The following PPP2R5E variants were observed in gnomAD, a reference collection of about 807,000 sequenced individuals.
PPP2R5E encodes the protein serine/threonine-protein phosphatase 2A 56 kDa regulatory subunit epsilon isoform.
PPP2R5E carries 4 observed loss-of-function variants against 65.3 expected under a neutral mutation model. That is an observed-to-expected ratio of 0.06 (90% CI 0.03 to 0.14). The LOEUF (loss-of-function observed/expected upper bound fraction) is 0.14, where lower values mean the gene tolerates loss of function less well. PPP2R5E is among the 10% of genes least tolerant of loss of function. The probability of loss-of-function intolerance (pLI) is 1.00; values close to 1 mark genes in which losing one functional copy is unlikely to be tolerated. For synonymous variants in PPP2R5E, 183 were observed against 187.4 expected (o/e 0.98, Z 0.19); for missense variants, 274 against 556.1 (o/e 0.49, Z 5.10).
chr14:63,462,853 A>G (rs1889557090), intron 2 of PPP2R5E, among the ~76,000 whole-genome samples: 2 of 152,068 alleles, frequency 1.3e-5, no homozygotes, highest in Non-Finnish European at 2.9e-5. Context: ...CTGTAATCCC[A>G]GCACTTTGGG....
chr14:63,462,517 T>C lies in PPP2R5E; in HGVS notation c.158-8632A>G, dbSNP rs140584017. On this transcript the variant is annotated intron_variant, in intron 2 of 13. Coordinates refer to ENST00000337537, the MANE Select transcript of PPP2R5E (RefSeq NM_006246.5). ...CTCCATTCAAGCACTTGCTACATTATACTGCAACTTTTTTTTTAACCAGCA... is the reference window on the plus strand; with the variant it reads ...CTCCATTCAAGCACTTGCTACATTACACTGCAACTTTTTTTTTAACCAGCA... 7.1e-3 allele frequency among the ~76,000 whole-genome samples: 1,086 copies of C among 152,304 alleles called. 10 individuals carry two copies. The highest frequency in any genetic ancestry group is 8.9e-3 in the Non-Finnish European group (605 of 68,026).
intron 11 of PPP2R5E, among the ~76,000 whole-genome samples, chr14:63,385,849 G>T (rs1250725568): frequency 3.3e-5 from 5 of 152,150 alleles, no homozygotes; most frequent in Admixed American, 2.6e-4. Context: ...GGAGATGTCT[G>T]CTCAGTTTCT....
chr14:63,389,465 T>C (rs1325631101), intron 11 of PPP2R5E, 147 bp downstream of exon 11: 9 of 942,660 alleles, frequency 9.5e-6, no homozygotes, highest in East Asian at 3.0e-5. Flanking sequence ...GTGCTCAAGA[T>C]AAGCTGGCCA....
intron 3 of PPP2R5E, among the ~76,000 whole-genome samples, chr14:63,440,062 C>T (rs558679825): frequency 2.3e-4 from 35 of 152,276 alleles, no homozygotes; most frequent in African/African-American, 7.7e-4. Flanking sequence ...TAAGGTATCG[C>T]CACGCCAATG....
chr14:63,440,517 T>C (rs528289944), intron 3 of PPP2R5E, among the ~76,000 whole-genome samples: 1 of 152,198 alleles, frequency 6.6e-6, no homozygotes, highest in Non-Finnish European at 1.5e-5. Flanking sequence ...AAAGGCTTTT[T>C]TACTTTTTTA....
chr14:63,390,248 C>G (rs1447692218), intron 10 of PPP2R5E, among the ~76,000 whole-genome samples: 1 of 151,930 alleles, frequency 6.6e-6, no homozygotes, highest in African/African-American at 2.4e-5. Context: ...GACTCACTCA[C>G]ATGCAGGTGC....
At chr14:63,415,112 A>AT in intron 5 of PPP2R5E, 28 bp downstream of exon 5, 1 of 1,483,986 alleles carries the variant, frequency 6.7e-7, no homozygotes, top group Non-Finnish European at 9.4e-7. Flanking sequence ...TGGATGACAA[A>AT]TACACACAAC....
At chr14:63,484,347 T>A (rs113796807) in intron 2 of PPP2R5E, among the ~76,000 whole-genome samples, 1,755 of 139,596 alleles carry the variant, frequency 0.013, 29 homozygotes, top group African/African-American at 0.04. Context: ...TCTCTCTCTC[T>A]CACACACACA....
intron 2 of PPP2R5E, among the ~76,000 whole-genome samples, chr14:63,477,893 AAAC>A (rs1890487552): frequency 6.6e-6 from 1 of 151,938 alleles, no homozygotes; most frequent in Non-Finnish European, 1.5e-5. Context: ...ATGTATACTG[AAAC>A]TACAAATCCA....
At chr14:63,423,240 C>T (rs1014838094) in intron 3 of PPP2R5E, among the ~76,000 whole-genome samples, 1 of 152,082 alleles carries the variant, frequency 6.6e-6, no homozygotes, top group Non-Finnish European at 1.5e-5. Flanking sequence ...GGATTACAGG[C>T]GCATGCCACC....
At chr14:63,499,682 G>A (rs1025726313) in intron 2 of PPP2R5E, among the ~76,000 whole-genome samples, 8 of 151,338 alleles carry the variant, frequency 5.3e-5, no homozygotes, top group Non-Finnish European at 1.2e-4. Context: ...AGCTGAGATC[G>A]CACCACTGCA....
intron 2 of PPP2R5E, among the ~76,000 whole-genome samples, chr14:63,509,546 T>C (rs1195949497): frequency 6.6e-6 from 1 of 152,210 alleles, no homozygotes; most frequent in African/African-American, 2.4e-5. Context: ...AGTGCTGGGA[T>C]TACAGGCCTC....
chr14:63,425,095 C>G (rs1368153849), intron 3 of PPP2R5E, among the ~76,000 whole-genome samples: 1 of 152,164 alleles, frequency 6.6e-6, no homozygotes, highest in East Asian at 1.9e-4. Context: ...TGGACCCAGG[C>G]TGTCAGGATC....
intron 12 of PPP2R5E, among the ~76,000 whole-genome samples, chr14:63,383,011 T>C (rs2139749774): frequency 6.6e-6 from 1 of 152,298 alleles, no homozygotes; most frequent in East Asian, 1.9e-4. Context: ...ATTATCTGTC[T>C]AGCTCTGATC....
chr14:63,485,872 A>G (rs1043554423), intron 2 of PPP2R5E, among the ~76,000 whole-genome samples: 20 of 134,778 alleles, frequency 1.5e-4, no homozygotes, highest in Admixed American at 4.1e-4. Flanking sequence ...TCTGTCACCC[A>G]GGGCTGGAGT....
At chr14:63,469,948 G>A (rs1231636580) in intron 2 of PPP2R5E, among the ~76,000 whole-genome samples, 1 of 152,196 alleles carries the variant, frequency 6.6e-6, no homozygotes, top group Non-Finnish European at 1.5e-5. Context: ...CAAAGAACCA[G>A]AAGGGATAAT....
intron 3 of PPP2R5E, among the ~76,000 whole-genome samples, chr14:63,439,193 T>C (rs890181320): frequency 6.6e-6 from 1 of 152,150 alleles, no homozygotes; most frequent in Non-Finnish European, 1.5e-5. Context: ...ATGATAATAA[T>C]GATATGGTGA....
intron 2 of PPP2R5E, chr14:63,479,142 G>GA (rs1019765757): frequency 6.6e-6 from 1 of 151,864 alleles, no homozygotes; most frequent in African/African-American, 2.4e-5. Context: ...AAGAAAGAAA[G>GA]AAAAAAATCA....
intron 2 of PPP2R5E, among the ~76,000 whole-genome samples, chr14:63,520,727 C>G (rs1892865403): frequency 6.6e-6 from 1 of 151,930 alleles, no homozygotes; most frequent in Non-Finnish European, 1.5e-5. Flanking sequence ...TAGAAAAACA[C>G]ATGCGTGGCC....
Sources: gnomAD v4.1 joint callset for allele counts (sites outside exome capture counted in the v4.1 genomes callset) on GRCh38, gnomAD v4.1.1 for gene constraint, MANE v1.5 for transcripts, NCBI Gene and HGNC (gene_info 2026-07-23, HGNC 2026-07-21) for gene names.